NEBL: variants seen among roughly 807,000 people sequenced by gnomAD.
NEBL encodes nebulette, also known as LIM and SH3 protein 2.
NEBL carries 122 observed loss-of-function variants against 140.2 expected under a neutral mutation model. The ratio of observed to expected loss-of-function variants is 0.87; its 90% CI spans 0.75 to 1.01. The LOEUF is 1.01. NEBL is among the 50% of genes least tolerant of loss of function. The probability of loss-of-function intolerance (pLI) is 0.00; values close to 1 mark genes in which losing one functional copy is unlikely to be tolerated. For synonymous variants in NEBL, 436 were observed against 398.9 expected (o/e 1.09, Z -1.11); for missense variants, 1,365 against 1,231.3 (o/e 1.11, Z -1.62).
intron 9 of NEBL, among the ~76,000 whole-genome samples, chr10:20,855,527 A>AAC (rs1425032282): frequency 1.6e-5 from 2 of 123,508 alleles, no homozygotes; most frequent in East Asian, 7.5e-4. Context: ...AAACAAAACA[A>AAC]AAAAAAAACG....
chr10:20,885,584 C>T (rs898109988), intron 4 of NEBL, among the ~76,000 whole-genome samples: 1 of 152,108 alleles, frequency 6.6e-6, no homozygotes, highest in Non-Finnish European at 1.5e-5. Flanking sequence ...TTCTATGTTG[C>T]AGGGATTTGT....
intron 3 of NEBL, among the ~76,000 whole-genome samples, chr10:20,965,852 G>A (rs1017826846): frequency 2.0e-5 from 3 of 152,114 alleles, no homozygotes; most frequent in African/African-American, 7.2e-5. Flanking sequence ...CAGCCTCAGG[G>A]CCCTGGCGTC....
At chr10:20,934,148 G>A (rs1359198267) in intron 4 of NEBL, among the ~76,000 whole-genome samples, 1 of 152,170 alleles carries the variant, frequency 6.6e-6, no homozygotes, top group Non-Finnish European at 1.5e-5. Flanking sequence ...ATCTGGGACT[G>A]AGCAAGACTT....
intron 3 of NEBL, among the ~76,000 whole-genome samples, chr10:21,220,836 A>G (rs765928493): frequency 6.6e-6 from 1 of 152,194 alleles, no homozygotes; most frequent in African/African-American, 2.4e-5. Context: ...TAAAATGGAC[A>G]AAGGACCTGA....
At chr10:21,163,202 C>T (rs1472209480) in intron 2 of NEBL, among the ~76,000 whole-genome samples, 3 of 152,048 alleles carry the variant, frequency 2.0e-5, no homozygotes, top group African/African-American at 7.3e-5. Flanking sequence ...TGCTAGAAAC[C>T]CAGTTTTTTT....
At chr10:21,163,307 T>C (rs76859638) in intron 2 of NEBL, among the ~76,000 whole-genome samples, 3,479 of 152,238 alleles carry the variant, frequency 0.023, 118 homozygotes, top group East Asian at 0.12. Flanking sequence ...TGGCAGGAAA[T>C]GCATGAAGCT....
At chr10:21,019,260 G>A (rs1819853983) in intron 3 of NEBL, among the ~76,000 whole-genome samples, 1 of 152,220 alleles carries the variant, frequency 6.6e-6, no homozygotes, top group Admixed American at 6.5e-5. Context: ...CCTCAAGACA[G>A]GTAGACAAGA....
At chr10:21,260,688 G>A (rs1337351734) in intron 1 of NEBL, among the ~76,000 whole-genome samples, 2 of 152,056 alleles carry the variant, frequency 1.3e-5, no homozygotes, top group African/African-American at 4.8e-5. Context: ...TCTGAAGGTC[G>A]AGCCCTTCTC....
intron 3 of NEBL, among the ~76,000 whole-genome samples, chr10:21,012,768 C>T (rs902835448): frequency 2.3e-4 from 35 of 152,178 alleles, no homozygotes; most frequent in African/African-American, 8.4e-4. Context: ...ACCACTTACT[C>T]TTAACAAACA....
intron 2 of NEBL, among the ~76,000 whole-genome samples, chr10:21,072,596 G>T (rs1390571464): frequency 1.3e-5 from 2 of 152,254 alleles, no homozygotes; most frequent in Non-Finnish European, 2.9e-5. Flanking sequence ...AGAGTGCGGA[G>T]CACAGGAAGG....
chr10:21,238,716 TAAA>T (rs35732687), intron 3 of NEBL, among the ~76,000 whole-genome samples: 20,378 of 94,600 alleles, frequency 0.22, 1,774 homozygotes, highest in African/African-American at 0.29. Context: ...TCAAAAAAAT[TAAA>T]AAAAAAAAAA....
At chr10:20,829,103 T>C (rs1008790615) in intron 16 of NEBL, among the ~76,000 whole-genome samples, 5 of 152,078 alleles carry the variant, frequency 3.3e-5, no homozygotes, top group South Asian at 2.1e-4. Flanking sequence ...ATTATTTCCA[T>C]CTTACAGATG....
chr10:20,875,069 T>C (rs889788468), intron 5 of NEBL, among the ~76,000 whole-genome samples: 23 of 152,206 alleles, frequency 1.5e-4, no homozygotes, highest in African/African-American at 5.1e-4. Flanking sequence ...AAATCTGTTC[T>C]TTGTTGCTTC....
chr10:21,236,345 ATTTTT>A (rs147170707), intron 3 of NEBL, among the ~76,000 whole-genome samples: 57 of 125,356 alleles, frequency 4.5e-4, no homozygotes, highest in African/African-American at 1.7e-3. Context: ...CCTTTTTTTA[ATTTTT>A]TTTTTTTTTT....
chr10:20,927,690 G>A (rs1342731477), intron 4 of NEBL, among the ~76,000 whole-genome samples: 2 of 152,180 alleles, frequency 1.3e-5, no homozygotes, highest in African/African-American at 4.8e-5. Context: ...TTCACAGAAT[G>A]ACTTATGTGT....
intron 26 of NEBL, among the ~76,000 whole-genome samples, chr10:20,802,925 C>T (rs867800094): frequency 3.3e-5 from 5 of 152,152 alleles, no homozygotes; most frequent in South Asian, 2.1e-4. Flanking sequence ...TCTTGTTCTG[C>T]GCCATTCTTA....
intron 3 of NEBL, among the ~76,000 whole-genome samples, chr10:21,018,918 T>C (rs1055183934): frequency 6.6e-5 from 10 of 152,102 alleles, no homozygotes; most frequent in South Asian, 4.2e-4. Context: ...ATCCCAGCTA[T>C]TGGGGAGGCT....
At position 21,238,930 on chromosome 10, in the gene NEBL, G is replaced by A. The variant is rs1242944363; in HGVS notation, n.348+8991C>T. On this transcript the variant is annotated intron_variant and non_coding_transcript_variant, in intron 3 of 8. Transcript: ENST00000675702. ...ACGCTTTGGTTACCTTGACAACATA[G>A]GAAACTCAGGGCTACAGCGTGTTTG... Among the ~76,000 whole-genome samples, 3 of 152,056 alleles carry A rather than the reference G, an allele frequency of 2.0e-5. 1 individual carries two copies. Among genetic ancestry groups the A allele is most frequent in the Admixed American group, 2.0e-4 (3 of 15,268 alleles).
chr10:21,036,907 T>C (rs938173710), intron 2 of NEBL, among the ~76,000 whole-genome samples: 1 of 152,104 alleles, frequency 6.6e-6, no homozygotes, highest in Non-Finnish European at 1.5e-5. Context: ...ATTCTAAAGC[T>C]CTTGACCCCT....
Sources: gnomAD v4.1 joint callset for allele counts (sites outside exome capture counted in the v4.1 genomes callset) on GRCh38, gnomAD v4.1.1 for gene constraint, MANE v1.5 for transcripts, NCBI Gene and HGNC (gene_info 2026-07-23, HGNC 2026-07-21) for gene names.